The following FNDC3A variants were observed in gnomAD, a reference collection of about 807,000 sequenced individuals.
FNDC3A encodes fibronectin type-III domain-containing protein 3A.
A neutral mutation model predicts 148.9 loss-of-function variants in FNDC3A; 32 were observed. The observed-to-expected ratio is 0.21, with a 90% confidence interval of 0.16 to 0.29. The LOEUF is 0.29. FNDC3A is among the 10% of genes least tolerant of loss of function. The probability of loss-of-function intolerance (pLI) is 1.00; values close to 1 mark genes in which losing one functional copy is unlikely to be tolerated. For missense variants in FNDC3A, 1,191 were observed against 1,452.8 expected, an observed-to-expected ratio of 0.82 and a Z score of 2.93; for synonymous variants, 472 against 473.6, an observed-to-expected ratio of 1.00 and a Z score of 0.04.
chr13:49,082,919 ACAAGAGTGAGGAGGC>A (rs1878572466), intron 3 of FNDC3A, among the ~76,000 whole-genome samples: 1 of 152,146 alleles, frequency 6.6e-6, no homozygotes, highest in South Asian at 2.1e-4. Context: ...CAGAGCTCAA[ACAAGAGTGAGGAGGC>A]CATCTGTGTG....
rs1951946181 is a variant in FNDC3A at position 48,992,788 on chromosome 13, G to T, written c.-39-13364G>T. 2.6e-5 allele frequency among the ~76,000 whole-genome samples: 4 copies of T among 152,002 alleles called. No individual in the cohort carries two copies. The South Asian group carries it at 8.3e-4, about 32-fold the overall frequency. ...TATTAGGTTGGTGCGAAAGTAACTG[G>T]TTTTTGCCATTGCTTTCAATTAAAA... On this transcript the variant is annotated intron_variant, in intron 1 of 25. Transcript: ENST00000492622.
chr13:49,060,215 C>A (rs757040829), intron 2 of FNDC3A, among the ~76,000 whole-genome samples: 6 of 152,172 alleles, frequency 3.9e-5, no homozygotes, highest in Non-Finnish European at 7.3e-5. Flanking sequence ...TACTGAAATA[C>A]TTTTGTACAT....
At chr13:49,180,907 A>T (rs1379897692) in intron 14 of FNDC3A, among the ~76,000 whole-genome samples, 1 of 152,022 alleles carries the variant, frequency 6.6e-6, no homozygotes, top group East Asian at 1.9e-4. Flanking sequence ...AAAAAAAAAA[A>T]ATTTGTTTTT....
chr13:49,186,037 C>T lies in FNDC3A; in HGVS notation c.1691C>T (p.Pro564Leu), dbSNP rs1370885508. 1.9e-6 allele frequency: 3 copies of T among 1,611,702 alleles called. No individual in the cohort carries two copies. ...VVEFTTCPDK[P>L]GIPVKPSVKG... ...GAATTTACTACTTGCCCTGATAAAC[C>T]AGGCATACCTGTAAAGCCTTCAGTG... The change falls in exon 15 of 26, where the codon CCA becomes CTA. Residue 564 changes from proline to leucine, a missense_variant. By Grantham distance (98) the Pro-to-Leu change is moderately conservative. Transcript: ENST00000492622.
intron 4 of FNDC3A, 86 bp from the exon 5 acceptor site, chr13:49,131,051 C>A: frequency 9.8e-7 from 1 of 1,022,426 alleles, no homozygotes; most frequent in Non-Finnish European, 1.5e-6. Context: ...GAGGCATGAG[C>A]TACCGTGCCT....
chr13:49,115,967 A>G (rs1024391821), intron 4 of FNDC3A, among the ~76,000 whole-genome samples: 1 of 152,080 alleles, frequency 6.6e-6, no homozygotes, highest in Non-Finnish European at 1.5e-5. Context: ...TCTTTGTTGC[A>G]CCTTCTCAGA....
chr13:49,120,617 A>G (rs1224153766), intron 4 of FNDC3A, among the ~76,000 whole-genome samples: 1 of 152,100 alleles, frequency 6.6e-6, no homozygotes, highest in Non-Finnish European at 1.5e-5. Context: ...AGAGACATAC[A>G]TAGGCTCAAA....
chr13:49,152,189 A>G (rs1448258178), intron 8 of FNDC3A, among the ~76,000 whole-genome samples: 1 of 152,200 alleles, frequency 6.6e-6, no homozygotes, highest in Non-Finnish European at 1.5e-5. Flanking sequence ...TTACACTACC[A>G]CCAACAGTGT....
intron 3 of FNDC3A, among the ~76,000 whole-genome samples, chr13:49,104,204 G>A (rs551036723): frequency 1.9e-4 from 29 of 152,280 alleles, no homozygotes; most frequent in Middle Eastern, 3.4e-3. Flanking sequence ...AGAGTGGGCT[G>A]GACAAAAGCC....
intron 8 of FNDC3A, among the ~76,000 whole-genome samples, chr13:49,165,922 G>A (rs1461585945): frequency 6.6e-6 from 1 of 152,104 alleles, no homozygotes; most frequent in Non-Finnish European, 1.5e-5. Context: ...AGGCCACCAG[G>A]AGGAGTGCTC....
intron 2 of FNDC3A, among the ~76,000 whole-genome samples, chr13:49,014,011 G>C (rs1387629648): frequency 6.8e-6 from 1 of 146,372 alleles, no homozygotes; most frequent in Non-Finnish European, 1.5e-5. Context: ...TGGACATTTG[G>C]GTTGGTTCCA....
chr13:49,107,733 G>A (rs760019345), intron 3 of FNDC3A, among the ~76,000 whole-genome samples: 2 of 152,312 alleles, frequency 1.3e-5, no homozygotes, highest in Admixed American at 6.5e-5. Context: ...AAAGTGTAAC[G>A]AGAATCTCTG....
intron 3 of FNDC3A, among the ~76,000 whole-genome samples, chr13:49,083,196 C>T (rs1483082100): frequency 6.6e-6 from 1 of 152,156 alleles, no homozygotes; most frequent in East Asian, 1.9e-4. Context: ...CCCACCACTG[C>T]CTGCCAAATT....
At chr13:49,167,213 C>G (rs753256933) in intron 8 of FNDC3A, 31 bp from the exon 9 acceptor site, 2 of 1,408,206 alleles carry the variant, frequency 1.4e-6, no homozygotes, top group East Asian at 4.6e-5. Flanking sequence ...CTTTATTTAT[C>G]AGACATGATA....
intron 2 of FNDC3A, among the ~76,000 whole-genome samples, chr13:49,015,245 T>C (rs1302532814): frequency 6.6e-6 from 1 of 152,200 alleles, no homozygotes; most frequent in African/African-American, 2.4e-5. Context: ...GGAATGTTCT[T>C]CCATTTGTTT....
At chr13:49,184,993 C>T (rs1176442331) in intron 14 of FNDC3A, among the ~76,000 whole-genome samples, 1 of 151,944 alleles carries the variant, frequency 6.6e-6, no homozygotes. Context: ...GGAGCGTCAG[C>T]AGTACCAAGA....
chr13:49,152,516 T>G (rs956750177), intron 8 of FNDC3A, among the ~76,000 whole-genome samples: 2 of 152,134 alleles, frequency 1.3e-5, no homozygotes, highest in African/African-American at 2.4e-5. Context: ...TTGTTTGGTT[T>G]TTTTTTAATT....
chr13:49,089,986 C>T (rs1356774582), intron 3 of FNDC3A, among the ~76,000 whole-genome samples: 1 of 152,184 alleles, frequency 6.6e-6, no homozygotes, highest in Non-Finnish European at 1.5e-5. Context: ...GCCTAGGTTA[C>T]TTTTGCCTTG....
chr13:49,176,718 G>A (rs1207881854), intron 13 of FNDC3A, among the ~76,000 whole-genome samples: 2 of 152,138 alleles, frequency 1.3e-5, no homozygotes, highest in Admixed American at 1.3e-4. Flanking sequence ...AGTAAGTATT[G>A]CCACAGTAGT....
Sources: gnomAD v4.1 joint callset for allele counts (sites outside exome capture counted in the v4.1 genomes callset) on GRCh38, gnomAD v4.1.1 for gene constraint, MANE v1.5 for transcripts, NCBI Gene and HGNC (gene_info 2026-07-23, HGNC 2026-07-21) for gene names.